Variants in PXDNL observed in about 807,000 individuals in gnomAD.
PXDNL encodes the protein probable oxidoreductase PXDNL.
In PXDNL, 145 loss-of-function variants were observed where a neutral mutation model predicts 150.8. The observed-to-expected ratio is 0.96, with a 90% confidence interval of 0.84 to 1.10. The LOEUF is 1.10. Among genes scored for constraint, PXDNL ranks in the 50% least tolerant of loss-of-function variants. The pLI, the probability that PXDNL is intolerant of heterozygous loss-of-function variation, is 0.00. For missense variants in PXDNL, 2,087 were observed against 1,873.9 expected (o/e 1.11, Z -2.10); for synonymous variants, 757 against 725.7 (o/e 1.04, Z -0.69).
intron 2 of PXDNL, among the ~76,000 whole-genome samples, chr8:51,597,585 G>A (rs1813599582): frequency 6.6e-6 from 1 of 150,940 alleles, no homozygotes; most frequent in African/African-American, 2.4e-5. Context: ...TCTTTTAGCA[G>A]TTTTTTTTGT....
At chr8:51,765,903 G>C (rs1293545192) in intron 1 of PXDNL, among the ~76,000 whole-genome samples, 3 of 150,846 alleles carry the variant, frequency 2.0e-5, no homozygotes, top group African/African-American at 7.3e-5. Flanking sequence ...GAGTGCAGTG[G>C]TGCGATTTCA....
chr8:51,588,125 A>G (rs1266741071), intron 3 of PXDNL, among the ~76,000 whole-genome samples: 1 of 152,194 alleles, frequency 6.6e-6, no homozygotes, highest in Non-Finnish European at 1.5e-5. Context: ...TAAGCAGGAC[A>G]TGCCCAGGGT....
intron 3 of PXDNL, among the ~76,000 whole-genome samples, chr8:51,577,846 C>G (rs945785020): frequency 6.7e-6 from 1 of 148,180 alleles, no homozygotes; most frequent in Non-Finnish European, 1.5e-5. Context: ...CTTACCACTC[C>G]ATTGGAAGAT....
intron 1 of PXDNL, among the ~76,000 whole-genome samples, chr8:51,679,721 T>C (rs1815700941): frequency 6.6e-6 from 1 of 152,192 alleles, no homozygotes; most frequent in African/African-American, 2.4e-5. Flanking sequence ...TGTAGTGTTG[T>C]GCATGCTTTG....
chr8:51,808,068 T>C (rs1417536526), intron 1 of PXDNL, among the ~76,000 whole-genome samples: 3 of 152,196 alleles, frequency 2.0e-5, no homozygotes, highest in Non-Finnish European at 4.4e-5. Context: ...CTATGGATAA[T>C]ATGTCATTTT....
At chr8:51,581,479 G>A (rs1813212095) in intron 3 of PXDNL, among the ~76,000 whole-genome samples, 1 of 142,194 alleles carries the variant, frequency 7.0e-6, no homozygotes, top group East Asian at 1.9e-4. Flanking sequence ...AGATGACAGA[G>A]TGAGACCCTG....
chr8:51,343,707 T>C (rs1179057360), intron 20 of PXDNL, among the ~76,000 whole-genome samples: 1 of 152,178 alleles, frequency 6.6e-6, no homozygotes, highest in East Asian at 1.9e-4. Context: ...TGGACACCAC[T>C]GGAAGGGACT....
intron 1 of PXDNL, among the ~76,000 whole-genome samples, chr8:51,690,019 GA>G (rs1815956993): frequency 6.6e-6 from 1 of 152,148 alleles, no homozygotes; most frequent in Non-Finnish European, 1.5e-5. Flanking sequence ...AAATACTAAA[GA>G]AAGTCATGTC....
chr8:51,667,258 T>C (rs1815404227), intron 1 of PXDNL, among the ~76,000 whole-genome samples: 1 of 152,184 alleles, frequency 6.6e-6, no homozygotes, highest in African/African-American at 2.4e-5. Flanking sequence ...GCCCACAGCT[T>C]CTGTGCCGCA....
intron 2 of PXDNL, among the ~76,000 whole-genome samples, chr8:51,638,918 A>G (rs1814672607): frequency 6.6e-6 from 1 of 152,186 alleles, no homozygotes; most frequent in Non-Finnish European, 1.5e-5. Context: ...GCACCACATC[A>G]CAATTATTCC....
In PXDNL at chr8:51,644,337, TACACACACAC is replaced by T. The variant is rs371179403; in HGVS notation, c.236+10342_236+10351del. Among the ~76,000 whole-genome samples the T allele has an allele frequency of 1.5e-3, 76 of 50,202 alleles. 19 individuals carry two copies. The highest frequency in any genetic ancestry group is 7.6e-3 in the East Asian group (12 of 1,570). 32.9% of individuals were successfully genotyped at this position (50,202 alleles called of 152,430 possible). On this transcript the variant is annotated intron_variant, in intron 2 of 22. Coordinates refer to ENST00000356297, the MANE Select transcript of PXDNL (RefSeq NM_144651.5). ...ACATTTTTACATATATATATATATA[TACACACACAC>T]ACACACACACACACACATATGTATA...
At chr8:51,705,004 C>T (rs1281859211) in intron 1 of PXDNL, among the ~76,000 whole-genome samples, 1 of 151,978 alleles carries the variant, frequency 6.6e-6, no homozygotes, top group Non-Finnish European at 1.5e-5. Flanking sequence ...GAATTCATGC[C>T]CCAACACTGT....
intron 17 of PXDNL, among the ~76,000 whole-genome samples, chr8:51,375,471 T>G (rs1807272928): frequency 6.6e-6 from 1 of 152,246 alleles, no homozygotes; most frequent in South Asian, 2.1e-4. Flanking sequence ...TTTTGTTTCA[T>G]ACATATGATT....
chr8:51,532,980 T>A (rs1045048547), intron 4 of PXDNL, among the ~76,000 whole-genome samples: 9 of 145,766 alleles, frequency 6.2e-5, no homozygotes, highest in Non-Finnish European at 1.0e-4. Context: ...TTGAATCAAG[T>A]AGGAAAAAAA....
intron 9 of PXDNL, 56 bp from the exon 10 acceptor site, chr8:51,453,841 A>C (rs916608923): frequency 1.1e-5 from 18 of 1,573,442 alleles, no homozygotes; most frequent in East Asian, 1.1e-4. Context: ...AGGAAGATTT[A>C]TTTATTCTGC....
In PXDNL at chr8:51,511,347, G is replaced by A. The variant is rs574883885; in HGVS notation, c.381-11577C>T. Among the ~76,000 whole-genome samples the A allele has an allele frequency of 2.0e-4, 30 of 152,280 alleles. No homozygotes were observed. In the South Asian group the frequency reaches 2.9e-3, roughly 15 times the overall value. ...TTATGGCTTAGAACTTTAGACAGGC[G>A]CTAGCAGTATTTGGCCTCCTTCCCT... is the stretch of plus-strand genomic sequence containing the variant. On this transcript the variant is annotated intron_variant, in intron 4 of 22. Coordinates refer to ENST00000356297, the MANE Select transcript of PXDNL (RefSeq NM_144651.5).
intron 2 of PXDNL, among the ~76,000 whole-genome samples, chr8:51,605,748 G>C (rs1285842668): frequency 1.3e-5 from 2 of 152,142 alleles, no homozygotes; most frequent in African/African-American, 4.8e-5. Context: ...GGATTAATGA[G>C]GGCCCTGCCC....
At chr8:51,690,319 C>G (rs922282170) in intron 1 of PXDNL, among the ~76,000 whole-genome samples, 3 of 152,142 alleles carry the variant, frequency 2.0e-5, no homozygotes, top group African/African-American at 7.2e-5. Flanking sequence ...ATCCCTCCCC[C>G]TTCCCCACAC....
chr8:51,594,701 A>G (rs1320033447), intron 2 of PXDNL, among the ~76,000 whole-genome samples: 1 of 152,200 alleles, frequency 6.6e-6, no homozygotes, highest in Admixed American at 6.5e-5. Flanking sequence ...TCACAAGTAC[A>G]TATTTCTTGT....
Sources: gnomAD v4.1 joint callset for allele counts (sites outside exome capture counted in the v4.1 genomes callset) on GRCh38, gnomAD v4.1.1 for gene constraint, MANE v1.5 for transcripts, NCBI Gene and HGNC (gene_info 2026-07-23, HGNC 2026-07-21) for gene names.